Variants in PPP1R9A observed in about 807,000 individuals in gnomAD.
PPP1R9A encodes neurabin-1.
PPP1R9A carries 59 observed loss-of-function variants against 141.9 expected under a neutral mutation model. The ratio of observed to expected loss-of-function variants is 0.42; its 90% CI spans 0.34 to 0.52. The LOEUF is 0.52. Ranked by LOEUF, PPP1R9A falls within the 20% of genes least tolerant of loss-of-function variation. The probability of loss-of-function intolerance (pLI) is 0.10; values close to 1 mark genes in which losing one functional copy is unlikely to be tolerated. For missense variants in PPP1R9A, 1,444 were observed against 1,611.9 expected, an observed-to-expected ratio of 0.90 and a Z score of 1.78; for synonymous variants, 500 against 569.7, an observed-to-expected ratio of 0.88 and a Z score of 1.74.
intron 5 of PPP1R9A, among the ~76,000 whole-genome samples, chr7:95,196,191 C>T (rs1836253936): frequency 6.6e-6 from 1 of 151,940 alleles, no homozygotes; most frequent in Non-Finnish European, 1.5e-5. Context: ...TATTTCACTG[C>T]AGAAGATATG....
intron 7 of PPP1R9A, among the ~76,000 whole-genome samples, chr7:95,206,734 T>G (rs1230254899): frequency 6.6e-6 from 1 of 152,178 alleles, no homozygotes; most frequent in Non-Finnish European, 1.5e-5. Flanking sequence ...GAACATACTT[T>G]TCTTGAACTG....
rs1223003360 is a variant in PPP1R9A at position 94,910,814 on chromosome 7, A to T, written c.701A>T (p.Tyr234Phe). 3 of 1,613,776 alleles carry T rather than the reference A, an allele frequency of 1.9e-6. No individual in the cohort carries two copies. The African/African-American group carries it at 4.0e-5, about 22-fold the overall frequency. Residue 234 changes from tyrosine (Y) to phenylalanine (F), a missense_variant, in exon 2 of 20, where the codon TAT becomes TTT. Tyr to Phe is a conservative substitution (Grantham distance 22, BLOSUM62 3). Transcript: ENST00000433360. This position sits in a 1 kb window ranked among gnomAD's most constrained non-coding sequence, Gnocchi z 4.5. ...AATGAATACTCAGTGACTGGGCATT[A>T]TCCCTTGAATTTACCATCTGTTACT... ...ENNEYSVTGHYPLNLPSVTVT... is the reference protein window; with the variant it reads ...ENNEYSVTGHFPLNLPSVTVT...
intron 2 of PPP1R9A, among the ~76,000 whole-genome samples, chr7:94,983,598 A>G (rs1002659030): frequency 6.6e-5 from 10 of 152,058 alleles, no homozygotes; most frequent in African/African-American, 2.4e-4. Context: ...AGCAATTGTG[A>G]ATGAGGGTAC....
intron 5 of PPP1R9A, among the ~76,000 whole-genome samples, chr7:95,171,551 A>T (rs1346023135): frequency 2.0e-5 from 3 of 151,636 alleles, no homozygotes; most frequent in Admixed American, 6.6e-5. Context: ...AACCAATATT[A>T]TGAAGAACTT....
chr7:95,214,002 G>A (rs941604210), intron 7 of PPP1R9A, among the ~76,000 whole-genome samples: 3 of 152,152 alleles, frequency 2.0e-5, no homozygotes, highest in Non-Finnish European at 4.4e-5. Context: ...CACAATCTGT[G>A]CAGTGCAATT....
intron 8 of PPP1R9A, among the ~76,000 whole-genome samples, chr7:95,229,692 A>G (rs1795646981): frequency 6.6e-6 from 1 of 152,094 alleles, no homozygotes; most frequent in Non-Finnish European, 1.5e-5. Context: ...CCACCCTGGT[A>G]GCTGAAGACA....
Position 95,247,589 on chromosome 7 carries a change from C to T in PPP1R9A, c.2166+63C>T. The T allele has an allele frequency of 9.1e-6, 12 of 1,322,916 alleles. No individual in the cohort carries two copies. The South Asian group carries it at 1.5e-4, about 17-fold the overall frequency. The allele number at this position is 1,322,916 out of a possible 1,614,324, so 81.9% of individuals were successfully genotyped here. On this transcript the variant is annotated intron_variant, in intron 9 of 19. Transcript: ENST00000433360. ...AAACTTCAGATACTATGAATAAATCCAATCCTAGGACTAAAGGTTTTGTCC... is the reference window on the plus strand; with the variant it reads ...AAACTTCAGATACTATGAATAAATCTAATCCTAGGACTAAAGGTTTTGTCC...
chr7:95,008,036 C>T (rs1047632861), intron 2 of PPP1R9A, among the ~76,000 whole-genome samples: 6 of 152,064 alleles, frequency 3.9e-5, no homozygotes, highest in African/African-American at 1.2e-4. Flanking sequence ...TATGCCATTG[C>T]GCTTCAGCCT....
intron 5 of PPP1R9A, among the ~76,000 whole-genome samples, chr7:95,186,000 A>C (rs1235427273): frequency 2.0e-5 from 3 of 151,074 alleles, no homozygotes; most frequent in Non-Finnish European, 2.9e-5. Flanking sequence ...TGCTTTGGCT[A>C]TGCAGGCTCT....
intron 2 of PPP1R9A, among the ~76,000 whole-genome samples, chr7:94,995,698 A>G (rs1033424338): frequency 1.3e-5 from 2 of 151,970 alleles, no homozygotes; most frequent in Admixed American, 6.6e-5. Context: ...TGACTCTATG[A>G]TACAGTTATA....
intron 4 of PPP1R9A, among the ~76,000 whole-genome samples, chr7:95,147,095 A>G (rs1827766027): frequency 6.6e-6 from 1 of 152,204 alleles, no homozygotes; most frequent in Non-Finnish European, 1.5e-5. Flanking sequence ...CAGTATGGCC[A>G]TTTTCATGAT....
At chr7:94,953,209 T>C (rs1049350009) in intron 2 of PPP1R9A, among the ~76,000 whole-genome samples, 5 of 152,178 alleles carry the variant, frequency 3.3e-5, no homozygotes, top group Non-Finnish European at 5.9e-5. Context: ...ATTTATTAAA[T>C]AAGGTATCCA....
At chr7:95,012,453 A>G (rs545604593) in intron 2 of PPP1R9A, among the ~76,000 whole-genome samples, 1 of 152,054 alleles carries the variant, frequency 6.6e-6, no homozygotes, top group Non-Finnish European at 1.5e-5. Context: ...CACCTCCAAC[A>G]TGGGGGATTA....
rs779246811 is a variant in PPP1R9A, at chr7:95,269,376, A to C, written c.2993A>C (p.Asp998Ala). ...HIAEFQEEPL[D>A]PEMGPLSSMW... ...GCTGAATTTCAAGAAGAACCACTGG[A>C]CCCAGAAATGGGGCCTCTCTCCTCT... The change falls in exon 14 of 20, where the codon GAC (aspartate) becomes GCC (alanine). Residue 998 changes from aspartate (D) to alanine (A), a missense_variant. Transcript: ENST00000433360. 11 of 1,598,104 alleles carry C rather than the reference A, an allele frequency of 6.9e-6. No homozygotes were observed. Among genetic ancestry groups the C allele is most frequent in the African/African-American group, 4.0e-5 (3 of 74,776 alleles).
At chr7:94,952,771 T>C (rs1796617924) in intron 2 of PPP1R9A, among the ~76,000 whole-genome samples, 1 of 152,194 alleles carries the variant, frequency 6.6e-6, no homozygotes, top group African/African-American at 2.4e-5. Context: ...AATTGCCTGT[T>C]CATATCCTTC....
intron 8 of PPP1R9A, among the ~76,000 whole-genome samples, chr7:95,235,517 A>G (rs1796562306): frequency 6.6e-6 from 1 of 152,186 alleles, no homozygotes; most frequent in South Asian, 2.1e-4. Flanking sequence ...AAATCAAAAA[A>G]TAACTGATGT....
intron 8 of PPP1R9A, among the ~76,000 whole-genome samples, chr7:95,231,561 T>C (rs557480430): frequency 2.6e-5 from 4 of 151,976 alleles, no homozygotes; most frequent in Non-Finnish European, 5.9e-5. Context: ...AAGACCACAG[T>C]GAAATAAAAT....
chr7:95,197,941 GC>G (rs987869744), intron 5 of PPP1R9A, among the ~76,000 whole-genome samples: 52 of 152,262 alleles, frequency 3.4e-4, no homozygotes, highest in Middle Eastern at 3.4e-3. Flanking sequence ...GAGCCACTGA[GC>G]CCAGCCCTCA....
At chr7:95,153,873 A>C (rs761559194) in intron 4 of PPP1R9A, among the ~76,000 whole-genome samples, 2 of 152,150 alleles carry the variant, frequency 1.3e-5, no homozygotes, top group African/African-American at 4.8e-5. Context: ...AGTAGGCTAT[A>C]TATGTGTATC....
Sources: allele counts gnomAD v4.1 joint callset (sites outside exome capture counted in the v4.1 genomes callset), GRCh38; gene constraint gnomAD v4.1.1; non-coding constraint Gnocchi (gnomAD v3.1); transcripts MANE v1.5; gene names NCBI Gene and HGNC (gene_info 2026-07-23, HGNC 2026-07-21).